Variants in TSEN2 observed in about 807,000 individuals in gnomAD.
TSEN2 encodes the protein tRNA-splicing endonuclease subunit Sen2.
A neutral mutation model predicts 59.2 loss-of-function variants in TSEN2; 54 were observed. That is an observed-to-expected ratio of 0.91 (90% CI 0.73 to 1.14). The LOEUF is 1.14. TSEN2 is among the 50% of genes most tolerant of loss of function. TSEN2 has a pLI of 0.00. For synonymous variants in TSEN2, 195 were observed against 198.2 expected, an observed-to-expected ratio of 0.98 and a Z score of 0.14; for missense variants, 636 against 576.2, an observed-to-expected ratio of 1.10 and a Z score of -1.06.
chr3:12,509,355 A>G (rs2055187859), intron 6 of TSEN2, among the ~76,000 whole-genome samples: 1 of 151,766 alleles, frequency 6.6e-6, no homozygotes, highest in Non-Finnish European at 1.5e-5. Flanking sequence ...ATGCACCATC[A>G]CACCCAGCTA....
rs886037738 is a variant in TSEN2 at position 12,516,658 on chromosome 3, GAAGGT to G, written c.960+1_960+5del. 5.0e-6 allele frequency: 8 copies of G among 1,613,798 alleles called. No individual in the cohort carries two copies. Among genetic ancestry groups the G allele is most frequent in the Non-Finnish European group, 5.9e-6 (7 of 1,179,936 alleles). Reference sequence around the variant, plus strand: ...TGGGATGTTTAAGTATTTACTATGAGAAGGTAAGATGCTTTGTTTACATACAACCC... The same window carrying G: ...TGGGATGTTTAAGTATTTACTATGAGAAGATGCTTTGTTTACATACAACCC... On this transcript the variant is annotated splice_donor_variant and coding_sequence_variant, in exon 7 of 12. Coordinates refer to ENST00000284995, the MANE Select transcript of TSEN2 (RefSeq NM_025265.4). LOFTEE classifies it high-confidence loss of function.
At chr3:12,504,408 C>T (rs938421061) in intron 5 of TSEN2, among the ~76,000 whole-genome samples, 3 of 151,876 alleles carry the variant, frequency 2.0e-5, no homozygotes, top group Non-Finnish European at 2.9e-5. Flanking sequence ...ATAGCAAGAC[C>T]TCATTTCTAC....
At chr3:12,521,174 G>A (rs921746910) in intron 8 of TSEN2, among the ~76,000 whole-genome samples, 2 of 152,166 alleles carry the variant, frequency 1.3e-5, no homozygotes, top group Admixed American at 6.6e-5. Context: ...TTAAAGTGAG[G>A]GTCTGGAGTA....
chr3:12,532,563 G>T, intron 11 of TSEN2, 99 bp from the exon 12 acceptor site: 2 of 1,151,628 alleles, frequency 1.7e-6, no homozygotes, highest in South Asian at 1.3e-5. Context: ...TCATTATATA[G>T]ACCGCCCTTT....
At chr3:12,519,326 T>C in intron 8 of TSEN2, 129 bp downstream of exon 8, 2 of 1,348,034 alleles carry the variant, frequency 1.5e-6, no homozygotes, top group Non-Finnish European at 2.1e-6. Flanking sequence ...TAGATAAGAT[T>C]ATTGGATATT....
At chr3:12,493,824 C>A (rs2053477239) in intron 3 of TSEN2, among the ~76,000 whole-genome samples, 1 of 152,196 alleles carries the variant, frequency 6.6e-6, no homozygotes, top group Non-Finnish European at 1.5e-5. Context: ...AAAAGTTTTT[C>A]ATTTTAATGA....
At chr3:12,520,914 C>T (rs2264371) in intron 8 of TSEN2, among the ~76,000 whole-genome samples, 77,595 of 151,944 alleles carry the variant, frequency 0.51, 20,718 homozygotes, top group African/African-American at 0.65. Context: ...CAGTAGTTAT[C>T]TTTTCTGCTC....
At chr3:12,527,157 T>C (rs1450510279) in intron 8 of TSEN2, among the ~76,000 whole-genome samples, 1 of 152,234 alleles carries the variant, frequency 6.6e-6, no homozygotes, top group Non-Finnish European at 1.5e-5. Flanking sequence ...TTACTTACAT[T>C]TGTGCCTCAG....
chr3:12,493,001 G>GGT (rs2053379039), intron 3 of TSEN2, among the ~76,000 whole-genome samples: 1 of 152,070 alleles, frequency 6.6e-6, no homozygotes, highest in Non-Finnish European at 1.5e-5. Context: ...ACCTATTATA[G>GGT]ATATTTCATA....
intron 6 of TSEN2, among the ~76,000 whole-genome samples, chr3:12,515,757 A>G (rs1392329164): frequency 1.3e-5 from 2 of 152,198 alleles, no homozygotes; most frequent in Admixed American, 6.5e-5. Flanking sequence ...AAAATATATC[A>G]TTATGTGAGG....
intron 8 of TSEN2, among the ~76,000 whole-genome samples, chr3:12,526,070 G>A (rs760961895): frequency 5.7e-4 from 86 of 151,968 alleles, no homozygotes; most frequent in Non-Finnish European, 9.4e-4. Flanking sequence ...CAGGCATGGC[G>A]GCTCACACCT....
At chr3:12,526,222 T>C (rs921595660) in intron 8 of TSEN2, among the ~76,000 whole-genome samples, 5 of 152,178 alleles carry the variant, frequency 3.3e-5, no homozygotes, top group African/African-American at 1.2e-4. Flanking sequence ...AAAAAGTGTT[T>C]ATAAAGAGTA....
intron 8 of TSEN2, among the ~76,000 whole-genome samples, chr3:12,520,352 C>T (rs1043752902): frequency 6.6e-6 from 1 of 152,130 alleles, no homozygotes; most frequent in Non-Finnish European, 1.5e-5. Context: ...TAGGTCATTG[C>T]CCATAATAGT....
intron 8 of TSEN2, among the ~76,000 whole-genome samples, chr3:12,519,431 C>A (rs1334705559): frequency 6.6e-6 from 1 of 152,192 alleles, no homozygotes; most frequent in African/African-American, 2.4e-5. Context: ...GGCTTTCCCT[C>A]TTGTTTGCTC....
Position 12,500,202 on chromosome 3 carries a change from G to C in TSEN2, c.309-3060G>C, listed in dbSNP as rs567461434. On this transcript the variant is annotated intron_variant, in intron 4 of 11. Coordinates refer to ENST00000284995, the MANE Select transcript of TSEN2 (RefSeq NM_025265.4). ...CTTCCTGCAACTGCTCCAGCATCTG[G>C]GATTGATGGCAACAGGACTTGGCTT... Among the ~76,000 whole-genome samples the C allele has an allele frequency of 2.0e-5, 3 of 152,300 alleles. No individual in the cohort carries two copies. In the South Asian group the frequency reaches 6.2e-4, roughly 32 times the overall value.
chr3:12,511,884 T>A (rs2125106028), intron 6 of TSEN2, among the ~76,000 whole-genome samples: 1 of 152,274 alleles, frequency 6.6e-6, no homozygotes, highest in Non-Finnish European at 1.5e-5. Context: ...ATTTTTGAGA[T>A]ATGGATAAGT....
chr3:12,538,015 ATAC>A (rs1239115622), downstream of TSEN2, among the ~76,000 whole-genome samples: 6 of 152,164 alleles, frequency 3.9e-5, no homozygotes, highest in Non-Finnish European at 7.4e-5. Flanking sequence ...ACACCATGGA[ATAC>A]TAGTCATAGT....
At chr3:12,509,293 C>T (rs1284457241) in intron 6 of TSEN2, among the ~76,000 whole-genome samples, 5 of 151,814 alleles carry the variant, frequency 3.3e-5, no homozygotes, top group East Asian at 3.9e-4. Flanking sequence ...GTCTGCCTCC[C>T]GGGTTCAAGT....
intron 3 of TSEN2, among the ~76,000 whole-genome samples, chr3:12,495,167 A>ATTTT (rs1319377608): frequency 2.0e-5 from 3 of 150,678 alleles, no homozygotes; most frequent in African/African-American, 7.3e-5. Flanking sequence ...TTTACAAGAG[A>ATTTT]TTTTTTTAAA....
Sources: gnomAD v4.1 joint callset for allele counts (sites outside exome capture counted in the v4.1 genomes callset) on GRCh38, gnomAD v4.1.1 for gene constraint, MANE v1.5 for transcripts, NCBI Gene and HGNC (gene_info 2026-07-23, HGNC 2026-07-21) for gene names.